The following SRRM3 variants were observed in gnomAD, a reference collection of about 807,000 sequenced individuals.
The protein encoded by SRRM3 is serine/arginine repetitive matrix 3.
A neutral mutation model predicts 66.2 loss-of-function variants in SRRM3; 27 were observed. That is an observed-to-expected ratio of 0.41 (90% confidence interval 0.30 to 0.56). The LOEUF is 0.56. Ranked by LOEUF, SRRM3 falls within the 20% of genes least tolerant of loss-of-function variation. The pLI, the probability that SRRM3 is intolerant of heterozygous loss-of-function variation, is 0.32. For missense variants in SRRM3, 918 were observed against 991.9 expected (o/e 0.93, Z 1.00); for synonymous variants, 391 against 414.9 (o/e 0.94, Z 0.70).
chr7:76,225,354 CTGTACCTT>C (rs1316786120), intron 1 of SRRM3, among the ~76,000 whole-genome samples: 1 of 152,184 alleles, frequency 6.6e-6, no homozygotes, highest in African/African-American at 2.4e-5. Flanking sequence ...CTGTGGGAAT[CTGTACCTT>C]TGAGCGTGTG....
intron 1 of SRRM3, among the ~76,000 whole-genome samples, chr7:76,226,147 C>T (rs1175780018): frequency 5.9e-5 from 9 of 152,216 alleles, no homozygotes; most frequent in African/African-American, 1.4e-4. Flanking sequence ...GCTGACTTTC[C>T]GAAACAGGCT....
intron 2 of SRRM3, among the ~76,000 whole-genome samples, chr7:76,241,753 C>T (rs1554605663): frequency 6.6e-6 from 1 of 152,174 alleles, no homozygotes; most frequent in Non-Finnish European, 1.5e-5. Flanking sequence ...ATCCACCCAC[C>T]TTGGCCTCCC....
chr7:76,272,326 C>T (rs1349517155), intron 11 of SRRM3, among the ~76,000 whole-genome samples: 3 of 152,024 alleles, frequency 2.0e-5, no homozygotes, highest in Non-Finnish European at 4.4e-5. Flanking sequence ...TTTGGAAGGG[C>T]GAGGCACGAA....
intron 14 of SRRM3, 116 bp downstream of exon 14, chr7:76,283,217 A>T (rs1402660637): frequency 2.3e-4 from 144 of 620,018 alleles, no homozygotes; most frequent in Non-Finnish European, 2.6e-4. Flanking sequence ...TGGCACGGGG[A>T]TGGGGGGGGG....
chr7:76,252,167 C>A (rs1554606971), intron 3 of SRRM3, among the ~76,000 whole-genome samples: 1 of 152,114 alleles, frequency 6.6e-6, no homozygotes, highest in Non-Finnish European at 1.5e-5. Context: ...AGCACACACC[C>A]ACAACAGTAT....
chr7:76,227,748 G>A (rs1266213409), intron 1 of SRRM3, among the ~76,000 whole-genome samples: 3 of 152,248 alleles, frequency 2.0e-5, no homozygotes, highest in African/African-American at 7.2e-5. Context: ...GAGGCCAAGA[G>A]TAGATGTTGG....
At chr7:76,248,326 G>A in intron 3 of SRRM3, 37 bp downstream of exon 3, 1 of 1,544,638 alleles carries the variant, frequency 6.5e-7, no homozygotes, top group Non-Finnish European at 8.9e-7. Context: ...GGGAGAGGGG[G>A]TGCAGGCTCA....
intron 14 of SRRM3, among the ~76,000 whole-genome samples, chr7:76,284,636 C>T (rs1802612030): frequency 6.6e-6 from 1 of 152,200 alleles, no homozygotes; most frequent in Non-Finnish European, 1.5e-5. Context: ...AGGTCACACA[C>T]CCTGCCCGTA....
chr7:76,260,338 C>T, intron 5 of SRRM3, 141 bp downstream of exon 5: 1 of 632,464 alleles, frequency 1.6e-6, no homozygotes, highest in Non-Finnish European at 2.5e-6. Flanking sequence ...CCGTGCCGTC[C>T]CCCGACTAGG....
At chr7:76,276,598 A>G (rs912229703) in intron 11 of SRRM3, among the ~76,000 whole-genome samples, 6 of 152,110 alleles carry the variant, frequency 3.9e-5, no homozygotes, top group Admixed American at 3.3e-4. Flanking sequence ...AAGAGGCACC[A>G]AGGCACAAAA....
In SRRM3 at chr7:76,209,401, G is replaced by A. The variant is rs146753553; in HGVS notation, c.-40+7334G>A. ...TCTGGGAGAGGTGACATTTCAGTTG[G>A]GCCTCAAAGAATGACAGGGGAGGTG... is the stretch of plus-strand genomic sequence containing the variant. On this transcript the variant is annotated intron_variant, in intron 1 of 14. Transcript: ENST00000611745. 2.2e-3 allele frequency among the ~76,000 whole-genome samples: 341 copies of A among 152,266 alleles called. 1 individual carries two copies. The highest frequency in any genetic ancestry group is 7.9e-3 in the African/African-American group (328 of 41,554).
At chr7:76,240,416 C>T (rs1801256073) in intron 2 of SRRM3, among the ~76,000 whole-genome samples, 1 of 151,952 alleles carries the variant, frequency 6.6e-6, no homozygotes, top group Non-Finnish European at 1.5e-5. Context: ...GTCAGGAGAT[C>T]GAGGCCATCC....
rs116661141 is a variant in SRRM3 at position 76,227,931 on chromosome 7, G to A, written c.-39-7097G>A. 3.6e-3 allele frequency among the ~76,000 whole-genome samples: 547 copies of A among 152,134 alleles called. 3 individuals carry two copies. Among genetic ancestry groups the A allele is most frequent in the African/African-American group, 0.013 (521 of 41,484 alleles). On this transcript the variant is annotated intron_variant, in intron 1 of 14. Transcript: ENST00000611745. The stretch of plus-strand genomic sequence containing the variant: ...GTCACCCAGGCTGAAGTGCAGTGGC[G>A]CAAACTCAGGTCACTGCAACCTCCA...
chr7:76,228,090 G>A (rs938300670), intron 1 of SRRM3, among the ~76,000 whole-genome samples: 3 of 151,980 alleles, frequency 2.0e-5, no homozygotes, highest in Non-Finnish European at 2.9e-5. Context: ...GGCTGGTCTC[G>A]AATTCCTGAC....
At chr7:76,211,143 G>A (rs1554601658) in intron 1 of SRRM3, among the ~76,000 whole-genome samples, 1 of 152,208 alleles carries the variant, frequency 6.6e-6, no homozygotes, top group Non-Finnish European at 1.5e-5. Context: ...TAGGGGTTAT[G>A]TAGCAGCATT....
chr7:76,210,155 C>T (rs983604465), intron 1 of SRRM3, among the ~76,000 whole-genome samples: 2 of 152,158 alleles, frequency 1.3e-5, no homozygotes, highest in Non-Finnish European at 2.9e-5. Flanking sequence ...AGCTGGGCAA[C>T]CTGCCCCCTA....
chr7:76,263,913 C>T (rs1801946424), intron 8 of SRRM3, among the ~76,000 whole-genome samples: 2 of 123,258 alleles, frequency 1.6e-5, no homozygotes, highest in African/African-American at 3.1e-5. Context: ...AAAGCAGGGA[C>T]ATCATGCCCT....
intron 11 of SRRM3, among the ~76,000 whole-genome samples, chr7:76,272,617 A>C (rs1802241313): frequency 6.6e-6 from 1 of 151,870 alleles, no homozygotes; most frequent in Non-Finnish European, 1.5e-5. Context: ...GCACCACTGC[A>C]CTCCAGCCTG....
intron 1 of SRRM3, among the ~76,000 whole-genome samples, chr7:76,212,083 G>T (rs1800447220): frequency 6.6e-6 from 1 of 150,552 alleles, no homozygotes; most frequent in African/African-American, 2.4e-5. Context: ...TGAACTCCTG[G>T]CCTCAAGTGA....
Sources: allele counts gnomAD v4.1 joint callset (sites outside exome capture counted in the v4.1 genomes callset), GRCh38; gene constraint gnomAD v4.1.1; transcripts MANE v1.5; gene names NCBI Gene and HGNC (gene_info 2026-07-23, HGNC 2026-07-21).